The following ZNF451 variants were observed in gnomAD, a reference collection of about 807,000 sequenced individuals.
ZNF451 encodes the protein E3 SUMO-protein ligase ZNF451.
In ZNF451, 80 loss-of-function variants were observed where a neutral mutation model predicts 107.1. That is an observed-to-expected ratio of 0.75 (90% CI 0.62 to 0.90). The LOEUF (loss-of-function observed/expected upper bound fraction) is 0.90, where lower values mean the gene tolerates loss of function less well. ZNF451 is among the 40% of genes least tolerant of loss of function. The pLI is 0.00. For missense variants in ZNF451, 1,107 were observed against 1,236.2 expected, an observed-to-expected ratio of 0.90 and a Z score of 1.57; for synonymous variants, 362 against 406.5, an observed-to-expected ratio of 0.89 and a Z score of 1.32.
At chr6:57,112,245 G>T (rs1444869067) in intron 3 of ZNF451, among the ~76,000 whole-genome samples, 1 of 152,264 alleles carries the variant, frequency 6.6e-6, no homozygotes, top group East Asian at 1.9e-4. Flanking sequence ...GAAGCTTTAG[G>T]ATGGGCAATA....
chr6:57,107,515 A>C (rs1232513172), intron 3 of ZNF451: 8 of 984,486 alleles, frequency 8.1e-6, no homozygotes, highest in Non-Finnish European at 9.6e-6. Flanking sequence ...CTACATGTTC[A>C]CACAAGTTTA....
At chr6:57,148,795 GAT>G (rs1350180061) in intron 10 of ZNF451, 102 bp downstream of exon 10, 11 of 1,092,956 alleles carry the variant, frequency 1.0e-5, no homozygotes, top group Non-Finnish European at 1.4e-5. Flanking sequence ...GTAACTTCTT[GAT>G]GGTATGTTAA....
At chr6:57,123,803 A>C (rs1210223780) in intron 3 of ZNF451, among the ~76,000 whole-genome samples, 5 of 152,160 alleles carry the variant, frequency 3.3e-5, no homozygotes, top group Admixed American at 1.3e-4. Context: ...GTGATTTTTT[A>C]ACTTCAAATT....
At chr6:57,100,875 C>A in intron 3 of ZNF451, 1 of 1,549,752 alleles carries the variant, frequency 6.5e-7, no homozygotes, top group South Asian at 1.2e-5. Context: ...CACTTCTGGT[C>A]CCCCAAGAAT....
At chr6:57,105,890 CT>C (rs540244116) in intron 3 of ZNF451, 399 of 926,304 alleles carry the variant, frequency 4.3e-4, no homozygotes, top group East Asian at 5.9e-4. Context: ...TACATTTAAA[CT>C]TTTTTTTTTA....
At chr6:57,092,165 A>G (rs1829080325) in intron 2 of ZNF451, among the ~76,000 whole-genome samples, 1 of 152,210 alleles carries the variant, frequency 6.6e-6, no homozygotes, top group African/African-American at 2.4e-5. Context: ...GGTGTTTAGT[A>G]GAAATAATAC....
At chr6:57,159,051 T>C in intron 13 of ZNF451, 1 of 985,504 alleles carries the variant, frequency 1.0e-6, no homozygotes, top group Non-Finnish European at 1.2e-6. Flanking sequence ...GTCTGCCTGT[T>C]GTTTCCTCAG....
intron 3 of ZNF451, chr6:57,105,890 C>CT (rs540244116): frequency 4.7e-4 from 436 of 929,870 alleles, no homozygotes; most frequent in Middle Eastern, 2.2e-3. Context: ...TACATTTAAA[C>CT]TTTTTTTTTT....
chr6:57,103,697 G>C (rs1829714291), intron 3 of ZNF451: 1 of 984,950 alleles, frequency 1.0e-6, no homozygotes, highest in Admixed American at 6.2e-5. Context: ...TTTTTCATCT[G>C]CTTGATCAAG....
chr6:57,117,662 G>A (rs926954426), intron 3 of ZNF451, among the ~76,000 whole-genome samples: 11 of 152,152 alleles, frequency 7.2e-5, no homozygotes, highest in African/African-American at 2.4e-4. Flanking sequence ...ATATATAATT[G>A]CTGTGTTTCT....
intron 3 of ZNF451, chr6:57,107,068 T>A (rs1829895614): frequency 5.1e-6 from 5 of 983,738 alleles, no homozygotes; most frequent in Non-Finnish European, 6.0e-6. Context: ...ATGAAAACTT[T>A]ACTAGTGTTT....
Position 57,168,485 on chromosome 6 carries a change from C to G in ZNF451, c.*16C>G. The G allele has an allele frequency of 1.9e-6, 3 of 1,599,616 alleles. No individual in the cohort carries two copies. The highest frequency in any genetic ancestry group is 2.6e-6 in the Non-Finnish European group (3 of 1,170,194). ...GGAAATGTAATTAAAGATATTACCACACAACATCAAGTGGCCTTGAAGAGA... is the reference window on the plus strand; with the variant it reads ...GGAAATGTAATTAAAGATATTACCAGACAACATCAAGTGGCCTTGAAGAGA... On this transcript the variant is annotated 3_prime_UTR_variant, in exon 15 of 15. Transcript: ENST00000370706.
chr6:57,114,294 T>TC (rs1205067791), intron 3 of ZNF451, among the ~76,000 whole-genome samples: 1 of 152,226 alleles, frequency 6.6e-6, no homozygotes, highest in Non-Finnish European at 1.5e-5. Context: ...TTTTTAAGTT[T>TC]CAACTTTTAA....
In ZNF451 at chr6:57,168,508, A is replaced by G. The variant is rs1458771443; in HGVS notation, c.*39A>G. The G allele has an allele frequency of 6.6e-7, 1 of 1,511,586 alleles. No individual in the cohort carries two copies. The highest frequency in any genetic ancestry group is 9.1e-7 in the Non-Finnish European group (1 of 1,096,934). 93.6% of individuals were successfully genotyped at this position (1,511,586 alleles called of 1,614,324 possible). ...CACACAACATCAAGTGGCCTTGAAG[A>G]GACTGAGATAACGAATTCTTGAGTT... On this transcript the variant is annotated 3_prime_UTR_variant, in exon 15 of 15. Transcript: ENST00000370706.
chr6:57,100,833 A>C, intron 3 of ZNF451: 2 of 1,547,952 alleles, frequency 1.3e-6, no homozygotes, highest in Non-Finnish European at 1.7e-6. Flanking sequence ...CCCTTAAATC[A>C]TCACAGAATT....
chr6:57,134,817 T>TG lies in ZNF451; in HGVS notation c.650dup (p.Cys217TrpfsTer3). ...CTTCAGCTCCTTTGCTTGTGTAGTA[T>TG]GTTATAAAAAATTTGTTACTCAACA... is the stretch of plus-strand genomic sequence containing the variant. On this transcript the variant is annotated frameshift_variant, in exon 7 of 15. Coordinates refer to ENST00000370706, the MANE Select transcript of ZNF451 (RefSeq NM_001031623.3). LOFTEE classifies it high-confidence loss of function. 5 of 1,612,192 alleles carry TG rather than the reference T, an allele frequency of 3.1e-6. No homozygotes were observed. Among genetic ancestry groups the TG allele is most frequent in the Non-Finnish European group, 4.2e-6 (5 of 1,179,030 alleles).
chr6:57,117,906 G>T (rs1310955802), intron 3 of ZNF451, among the ~76,000 whole-genome samples: 1 of 152,118 alleles, frequency 6.6e-6, no homozygotes, highest in Admixed American at 6.5e-5. Context: ...TCCCGAGTTA[G>T]GATTACCTAA....
intron 3 of ZNF451, among the ~76,000 whole-genome samples, chr6:57,112,117 C>G (rs1830143655): frequency 6.6e-6 from 1 of 152,026 alleles, no homozygotes; most frequent in South Asian, 2.1e-4. Context: ...TGAGAAAAAC[C>G]ATTGCTTTTC....
rs756629783 is a variant in ZNF451 at position 57,141,362 on chromosome 6, T to C, written c.763T>C (p.Cys255Arg). The change falls in exon 8 of 15, where the codon TGT becomes CGT. Residue 255 changes from cysteine (C) to arginine (R), a missense_variant. By Grantham distance (180) the Cys-to-Arg change is radical (BLOSUM62 -3). This residue lies in a region of ZNF451 where 339 missense variants were observed against 372.8 expected (regional missense o/e 0.91). Coordinates refer to ENST00000370706, the MANE Select transcript of ZNF451 (RefSeq NM_001031623.3). ...TCCTCAGATTATTCAGTGTTTTGCA[T>C]GTCCAAATTGCTTCCTTCTTTTTAG... ...LLPQIIQCFACPNCFLLFSRK... is the reference protein window; with the variant it reads ...LLPQIIQCFARPNCFLLFSRK... 1 of 1,613,406 alleles carries C rather than the reference T, an allele frequency of 6.2e-7. No individual in the cohort carries two copies. The highest frequency in any genetic ancestry group is 8.5e-7 in the Non-Finnish European group (1 of 1,179,628).
Sources: gnomAD v4.1 joint callset for allele counts (sites outside exome capture counted in the v4.1 genomes callset) on GRCh38, gnomAD v4.1.1 for gene constraint, gnomAD v4.1.1 regional missense constraint, MANE v1.5 for transcripts, NCBI Gene and HGNC (gene_info 2026-07-23, HGNC 2026-07-21) for gene names.